The following FBXL2 variants were observed in gnomAD, a reference collection of about 807,000 sequenced individuals.
FBXL2 encodes the protein F-box/LRR-repeat protein 2.
Under a neutral mutation model 69.2 loss-of-function variants are expected in FBXL2, and 38 were observed. The ratio of observed to expected loss-of-function variants is 0.55; its 90% confidence interval spans 0.42 to 0.72. The LOEUF (loss-of-function observed/expected upper bound fraction) is 0.72. FBXL2 is among the 30% of genes least tolerant of loss of function. The probability of loss-of-function intolerance (pLI) is 0.00; values close to 1 mark genes in which losing one functional copy is unlikely to be tolerated. For missense variants in FBXL2, 354 were observed against 520.3 expected (o/e 0.68, Z 3.11); for synonymous variants, 192 against 201.3 (o/e 0.95, Z 0.39).
intron 2 of FBXL2, among the ~76,000 whole-genome samples, chr3:33,330,597 TACG>T (rs1362243569): frequency 6.6e-6 from 1 of 152,036 alleles, no homozygotes; most frequent in African/African-American, 2.4e-5. Context: ...TGTATTAAAA[TACG>T]ACATGTGGCG....
chr3:33,360,420 C>T (rs2041528774), intron 4 of FBXL2, among the ~76,000 whole-genome samples: 1 of 152,112 alleles, frequency 6.6e-6, no homozygotes, highest in African/African-American at 2.4e-5. Context: ...GAGCACAATA[C>T]TTACAGTAAG....
intron 2 of FBXL2, among the ~76,000 whole-genome samples, chr3:33,324,077 A>G (rs1175423695): frequency 6.6e-6 from 1 of 151,876 alleles, no homozygotes; most frequent in South Asian, 2.1e-4. Context: ...GCTTTTTTTC[A>G]TATGTTTGTT....
intron 4 of FBXL2, among the ~76,000 whole-genome samples, chr3:33,360,885 A>G (rs2041564213): frequency 7.0e-6 from 1 of 143,568 alleles, no homozygotes; most frequent in African/African-American, 2.6e-5. Context: ...GACTTTTCCA[A>G]CCATACAACT....
At chr3:33,339,268 T>G (rs1175935590) in intron 2 of FBXL2, among the ~76,000 whole-genome samples, 2 of 152,050 alleles carry the variant, frequency 1.3e-5, no homozygotes, top group Non-Finnish European at 2.9e-5. Context: ...TTATTAAAAT[T>G]CAAAAAACAG....
chr3:33,281,568 A>G (rs373168004), intron 1 of FBXL2, among the ~76,000 whole-genome samples: 9 of 152,152 alleles, frequency 5.9e-5, no homozygotes, highest in East Asian at 1.9e-4. Flanking sequence ...CCAGTAATGG[A>G]ATTGCTGGGT....
At chr3:33,362,170 TA>T (rs932559448) in intron 4 of FBXL2, among the ~76,000 whole-genome samples, 2 of 152,228 alleles carry the variant, frequency 1.3e-5, no homozygotes, top group African/African-American at 4.8e-5. Context: ...GTGCACACGG[TA>T]CCTTCCTTCC....
At chr3:33,401,782 T>C (rs927041649) in intron 12 of FBXL2, among the ~76,000 whole-genome samples, 2 of 152,220 alleles carry the variant, frequency 1.3e-5, no homozygotes, top group Admixed American at 6.5e-5. Context: ...TCCAGTCTAC[T>C]AGTGAGTACA....
intron 1 of FBXL2, among the ~76,000 whole-genome samples, chr3:33,293,469 T>A (rs1238986667): frequency 1.3e-5 from 2 of 152,204 alleles, no homozygotes; most frequent in Non-Finnish European, 2.9e-5. Flanking sequence ...AAGACTCTTT[T>A]GGGAAATTAG....
chr3:33,401,380 T>C (rs1034422840), intron 12 of FBXL2, among the ~76,000 whole-genome samples: 1 of 152,086 alleles, frequency 6.6e-6, no homozygotes, highest in Admixed American at 6.6e-5. Flanking sequence ...ATTAGATAAA[T>C]AGTTGAAAAT....
At chr3:33,377,085 C>A (rs2042689477) in intron 10 of FBXL2, among the ~76,000 whole-genome samples, 188 bp from the exon 11 acceptor site, 1 of 152,102 alleles carries the variant, frequency 6.6e-6, no homozygotes, top group Admixed American at 6.5e-5. Flanking sequence ...CAGGAAGATT[C>A]TTGGATTTAC....
chr3:33,411,684 A>G, the FBXL2 span: 4 of 1,612,818 alleles, frequency 2.5e-6, no homozygotes, highest in South Asian at 1.1e-5. Context: ...AGACATTGGA[A>G]TATCTATGTT....
rs1021978827 is a variant in FBXL2, at chr3:33,387,630, CAAACA to C, written c.*2030_*2034del. On this transcript the variant is annotated 3_prime_UTR_variant, in exon 15 of 15. Transcript: ENST00000484457. The stretch of plus-strand genomic sequence containing the variant: ...ATCATCTCAAAACAAAACAAACAAA[CAAACA>C]AAACAAACCACCAGAGCCTTCTATA... 4 of 151,740 alleles carry C rather than the reference CAAACA, an allele frequency of 2.6e-5. No homozygotes were observed. The highest frequency in any genetic ancestry group is 1.3e-4 in the Admixed American group (2 of 15,216). 9.4% of individuals were successfully genotyped at this position (151,740 alleles called of 1,614,324 possible).
chr3:33,277,234 G>A, upstream of FBXL2: 1 of 390,654 alleles, frequency 2.6e-6, no homozygotes, highest in Non-Finnish European at 4.5e-6. Context: ...TCTGCGGCTG[G>A]GTAATCTGTC....
chr3:33,376,793 G>A (rs1575397582), intron 10 of FBXL2, among the ~76,000 whole-genome samples: 1 of 152,256 alleles, frequency 6.6e-6, no homozygotes, highest in East Asian at 1.9e-4. Flanking sequence ...CTGAGGTCAG[G>A]AGTTTGAGAC....
chr3:33,368,002 T>C (rs1003920562), intron 5 of FBXL2, among the ~76,000 whole-genome samples: 1 of 152,218 alleles, frequency 6.6e-6, no homozygotes, highest in East Asian at 1.9e-4. Flanking sequence ...AGTTTCCAAA[T>C]ATTTGGACAT....
intron 2 of FBXL2, among the ~76,000 whole-genome samples, chr3:33,341,559 G>C (rs559904518): frequency 2.0e-5 from 3 of 152,266 alleles, no homozygotes; most frequent in African/African-American, 7.2e-5. Flanking sequence ...GCCCAGCATG[G>C]TGGCTCACGC....
At chr3:33,392,529 C>G, downstream of FBXL2, 4 of 1,585,766 alleles carry the variant, frequency 2.5e-6, no homozygotes, top group African/African-American at 2.7e-5. Context: ...TCTCATGATT[C>G]CAGCATTTTA....
At chr3:33,337,907 A>G (rs1473193127) in intron 2 of FBXL2, among the ~76,000 whole-genome samples, 1 of 152,212 alleles carries the variant, frequency 6.6e-6, no homozygotes, top group Non-Finnish European at 1.5e-5. Flanking sequence ...ACAGCTAACT[A>G]GGGAAGTGAA....
Position 33,400,359 on chromosome 3 carries a change from C to T in FBXL2, n.1215-2875C>T, listed in dbSNP as rs571183138. The T allele has an allele frequency of 1.3e-5, 16 of 1,208,434 alleles. No individual in the cohort carries two copies. The Admixed American group carries it at 1.4e-4, about 11-fold the overall frequency. The allele number at this position is 1,208,434 out of a possible 1,614,324, so 74.9% of individuals were successfully genotyped here. ...CATTTAAACAAAACACAGAAAGCCT[C>T]GGAGTCTGAAGTAAAAAACACCCAA... is the stretch of plus-strand genomic sequence containing the variant. On this transcript the variant is annotated intron_variant and non_coding_transcript_variant, in intron 12 of 12. Coordinates refer to the FBXL2 transcript ENST00000463736.
Sources: gnomAD v4.1 joint callset for allele counts (sites outside exome capture counted in the v4.1 genomes callset) on GRCh38, gnomAD v4.1.1 for gene constraint, MANE v1.5 for transcripts, NCBI Gene and HGNC (gene_info 2026-07-23, HGNC 2026-07-21) for gene names.